SFI1: variants seen among roughly 807,000 people sequenced by gnomAD.
SFI1 encodes protein SFI1 homolog.
Under a neutral mutation model 207.5 loss-of-function variants are expected in SFI1, and 195 were observed. That is an observed-to-expected ratio of 0.94 (90% CI 0.84 to 1.06). SFI1 has a LOEUF of 1.06. Among genes scored for constraint, SFI1 ranks in the 50% least tolerant of loss-of-function variants. SFI1 has a pLI of 0.00. For missense variants in SFI1, 1,634 were observed against 1,588.0 expected, an observed-to-expected ratio of 1.03 and a Z score of -0.49; for synonymous variants, 630 against 598.9, an observed-to-expected ratio of 1.05 and a Z score of -0.76.
At chr22:31,612,440 G>A (rs2070500479) in intron 24 of SFI1, 1 of 137,188 alleles carries the variant, frequency 7.3e-6, no homozygotes, top group South Asian at 2.6e-4. Flanking sequence ...CAGTGGGCCG[G>A]GCATGATGGC....
chr22:31,504,590 G>T (rs1193377352), intron 1 of SFI1, among the ~76,000 whole-genome samples: 1 of 152,124 alleles, frequency 6.6e-6, no homozygotes, highest in East Asian at 1.9e-4. Flanking sequence ...TAGGGCTGCT[G>T]TAACAAAGTA....
chr22:31,588,502 C>A (rs2065332057), intron 14 of SFI1, among the ~76,000 whole-genome samples: 2 of 152,152 alleles, frequency 1.3e-5, no homozygotes, highest in Admixed American at 1.3e-4. Flanking sequence ...AAATAATTTG[C>A]AGCCATGTTT....
At chr22:31,593,988 G>GAGGGAT (rs1220343685) in intron 15 of SFI1, among the ~76,000 whole-genome samples, 2 of 26,964 alleles carry the variant, frequency 7.4e-5, no homozygotes, top group East Asian at 3.6e-3. Flanking sequence ...AGACGGAGAC[G>GAGGGAT]AGGGAGAGGG....
At position 31,600,194 on chromosome 22, in the gene SFI1, G is replaced by A. The variant is rs112775252; in HGVS notation, c.1545-2018G>A. 3.0e-4 allele frequency among the ~76,000 whole-genome samples: 45 copies of A among 152,200 alleles called. No individual in the cohort carries two copies. The East Asian group carries it at 7.1e-3, about 24-fold the overall frequency. On this transcript the variant is annotated intron_variant, in intron 15 of 32. Coordinates refer to ENST00000400288, the MANE Select transcript of SFI1 (RefSeq NM_001007467.3). ...TGAGCCACCAGGCCCAGCCTACAAC[G>A]TTACTATTTTTGCTTTAAATAATCA...
chr22:31,608,074 A>C, intron 22 of SFI1, 41 bp downstream of exon 22: 1 of 1,517,254 alleles, frequency 6.6e-7, no homozygotes, highest in Non-Finnish European at 9.1e-7. Flanking sequence ...GAGGAATGTG[A>C]AGACAGCGCT....
intron 2 of SFI1, among the ~76,000 whole-genome samples, chr22:31,514,862 C>A (rs564216938): frequency 6.6e-6 from 1 of 151,830 alleles, no homozygotes; most frequent in African/African-American, 2.4e-5. Context: ...ACCTCTACCT[C>A]CCGGATTCAA....
At chr22:31,511,136 T>G (rs1569174816) in intron 2 of SFI1, among the ~76,000 whole-genome samples, 4 of 152,288 alleles carry the variant, frequency 2.6e-5, no homozygotes, top group South Asian at 4.1e-4. Flanking sequence ...TATGGACCCT[T>G]CTTCCTGAGC....
intron 27 of SFI1, chr22:31,614,267 C>T (rs1462951991): frequency 3.1e-6 from 1 of 322,524 alleles, no homozygotes. Flanking sequence ...AGAAGCCCCT[C>T]TTTCTTGTGT....
chr22:31,585,913 T>C (rs373618728), intron 14 of SFI1, among the ~76,000 whole-genome samples: 3 of 152,084 alleles, frequency 2.0e-5, no homozygotes, highest in East Asian at 3.9e-4. Flanking sequence ...ACCAAACTCC[T>C]CCCAGTTATT....
chr22:31,571,521 C>T (rs897567165), intron 8 of SFI1, among the ~76,000 whole-genome samples: 7 of 151,148 alleles, frequency 4.6e-5, no homozygotes, highest in Non-Finnish European at 8.8e-5. Flanking sequence ...CGCCATGTTT[C>T]CCAGGCTGGG....
chr22:31,508,328 T>A lies in SFI1; in HGVS notation c.44T>A (p.Phe15Tyr). 1 of 1,613,568 alleles carries A rather than the reference T, an allele frequency of 6.2e-7. No homozygotes were observed. Among genetic ancestry groups the A allele is most frequent in the Non-Finnish European group, 8.5e-7 (1 of 1,179,756 alleles). The change falls in exon 2 of 33, where the codon TTC becomes TAC. Residue 15 changes from phenylalanine (F) to tyrosine (Y), a missense_variant. Coordinates refer to ENST00000400288, the MANE Select transcript of SFI1 (RefSeq NM_001007467.3). ...GAGAAGTGTATATCAAGCCACAATT[T>A]CCATCAAAAAGTGATTAAGCAGAGA... ...LTEKCISSHN[F>Y]HQKVIKQRME...
intron 8 of SFI1, among the ~76,000 whole-genome samples, chr22:31,566,851 CTCTT>C (rs1420326192): frequency 6.6e-6 from 1 of 152,136 alleles, no homozygotes; most frequent in East Asian, 1.9e-4. Flanking sequence ...TTCTTCTGTA[CTCTT>C]TCTTATTAAT....
chr22:31,587,175 C>G (rs937066805), intron 14 of SFI1, among the ~76,000 whole-genome samples: 1 of 152,038 alleles, frequency 6.6e-6, no homozygotes, highest in Non-Finnish European at 1.5e-5. Context: ...GTCATTAGCC[C>G]CTAAACAATA....
intron 7 of SFI1, 110 bp from the exon 8 acceptor site, chr22:31,561,180 T>C: frequency 1.2e-6 from 1 of 803,838 alleles, no homozygotes; most frequent in East Asian, 2.7e-5. Context: ...GAGATGGTAC[T>C]ATGAAGGAGA....
intron 11 of SFI1, among the ~76,000 whole-genome samples, chr22:31,579,131 C>T (rs2063815799): frequency 1.3e-5 from 2 of 151,774 alleles, no homozygotes; most frequent in African/African-American, 2.4e-5. Context: ...AGTGTTGAGG[C>T]ATTAGTATTA....
intron 14 of SFI1, chr22:31,587,883 AT>A (rs767192424): frequency 5.9e-5 from 9 of 152,250 alleles, no homozygotes; most frequent in Non-Finnish European, 1.0e-4. Flanking sequence ...AGAAGAAAAA[AT>A]AAAACCATTC....
In SFI1 at chr22:31,615,260, G is replaced by C; in HGVS notation, c.3281G>C (p.Gly1094Ala). Residue 1094 changes from glycine (G) to alanine (A), a missense_variant, in exon 29 of 33, where the codon GGG becomes GCG. By Grantham distance (60) the Gly-to-Ala change is moderately conservative. Transcript: ENST00000400288. ...CCTCTTTCCTCCTTCATGCCCTGCG[G>C]GGCGGCTGCACCAGCCAGGGTACGT... ...LLPLSSFMPC[G>A]AAAPARVSAQ... is the part of the protein sequence containing the mutation. 2 of 1,505,742 alleles carry C rather than the reference G, an allele frequency of 1.3e-6. No individual in the cohort carries two copies. Among genetic ancestry groups the C allele is most frequent in the South Asian group, 1.3e-5 (1 of 76,478 alleles). 93.3% of individuals were successfully genotyped at this position (1,505,742 alleles called of 1,614,324 possible).
chr22:31,550,395 T>C, intron 6 of SFI1, 47 bp downstream of exon 6: 1 of 1,462,226 alleles, frequency 6.8e-7, no homozygotes, highest in Non-Finnish European at 9.6e-7. Flanking sequence ...ACATTTACTT[T>C]GCAGAAGGTC....
At chr22:31,543,789 G>A (rs1448153690) in intron 4 of SFI1, among the ~76,000 whole-genome samples, 13 of 139,486 alleles carry the variant, frequency 9.3e-5, no homozygotes, top group Non-Finnish European at 1.5e-4. Context: ...CAGCCTGGGC[G>A]ACAAAGCGAG....
Sources: gnomAD v4.1 joint callset for allele counts (sites outside exome capture counted in the v4.1 genomes callset) on GRCh38, gnomAD v4.1.1 for gene constraint, MANE v1.5 for transcripts, NCBI Gene and HGNC (gene_info 2026-07-23, HGNC 2026-07-21) for gene names.